CDKN2B-AS1: variants seen among roughly 807,000 people sequenced by gnomAD.
CDKN2B-AS1 encodes CDKN2B antisense RNA 1 (non-protein coding).
intron 1 of CDKN2B-AS1, chr9:22,012,612 C>A: frequency 2.5e-6 from 1 of 406,698 alleles, no homozygotes; most frequent in Non-Finnish European, 4.6e-6. Flanking sequence ...GTGTCCCTTT[C>A]ATTGACTGGA....
At chr9:22,099,373 A>T (rs1485124323) in intron 4 of CDKN2B-AS1, among the ~76,000 whole-genome samples, 1 of 152,214 alleles carries the variant, frequency 6.6e-6, no homozygotes, top group South Asian at 2.1e-4. Flanking sequence ...TTCCATCTAA[A>T]ACTTAGAAAA....
chr9:22,082,668 A>G (rs1824738617), intron 4 of CDKN2B-AS1, among the ~76,000 whole-genome samples: 1 of 152,220 alleles, frequency 6.6e-6, no homozygotes, highest in Non-Finnish European at 1.5e-5. Flanking sequence ...AAGGAGGAGC[A>G]TATAATTATG....
chr9:22,123,199 A>T (rs1429576611), intron 4 of CDKN2B-AS1, among the ~76,000 whole-genome samples: 1 of 152,100 alleles, frequency 6.6e-6, no homozygotes, highest in African/African-American at 2.4e-5. Context: ...TTGTATATTG[A>T]TATCGTATTC....
intron 4 of CDKN2B-AS1, among the ~76,000 whole-genome samples, chr9:22,067,120 G>A (rs895711314): frequency 6.6e-6 from 1 of 151,940 alleles, no homozygotes; most frequent in East Asian, 1.9e-4. Flanking sequence ...TGTAAATGAC[G>A]AGTTAATGGG....
At chr9:22,082,399 C>T (rs189953806) in intron 4 of CDKN2B-AS1, among the ~76,000 whole-genome samples, 1 of 152,242 alleles carries the variant, frequency 6.6e-6, no homozygotes. Flanking sequence ...ATGTTATTTC[C>T]TCCTTTTGTT....
chr9:22,062,976 G>GACACACAC (rs534087244), intron 4 of CDKN2B-AS1, among the ~76,000 whole-genome samples: 5,209 of 125,280 alleles, frequency 0.042, 355 homozygotes, highest in African/African-American at 0.15. Flanking sequence ...GTGAAAGACA[G>GACACACAC]ACACACACAC....
chr9:22,035,851 T>C lies in CDKN2B-AS1; in HGVS notation n.30-10900T>C, dbSNP rs561904487. ...AGGCCATGATCACATCTGAGGATCC[T>C]GAGTCATTGTAGACATGTACTGAAT... is the stretch of plus-strand genomic sequence containing the variant. On this transcript the variant is annotated intron_variant and non_coding_transcript_variant, in intron 1 of 4. Coordinates refer to ENST00000650946, the Ensembl canonical transcript of CDKN2B-AS1. 9.5e-4 allele frequency among the ~76,000 whole-genome samples: 145 copies of C among 152,296 alleles called. 3 individuals carry two copies. Among genetic ancestry groups the C allele is most frequent in the Admixed American group, 8.0e-3 (122 of 15,288 alleles).
intron 4 of CDKN2B-AS1, among the ~76,000 whole-genome samples, chr9:22,074,488 A>G (rs376537830): frequency 1.3e-5 from 2 of 152,252 alleles, no homozygotes; most frequent in African/African-American, 4.8e-5. Context: ...TCTCGAATAC[A>G]TAACACATTT....
chr9:22,097,128 A>G (rs1825308691), intron 4 of CDKN2B-AS1: 1 of 152,122 alleles, frequency 6.6e-6, no homozygotes, highest in South Asian at 2.1e-4. Context: ...TTTCTGATAA[A>G]TTTTCTGCAC....
At position 22,000,440 on chromosome 9, in the gene CDKN2B-AS1, G is replaced by A. The variant is rs1820870059; in HGVS notation, n.29+5279G>A. 6.6e-6 allele frequency among the ~76,000 whole-genome samples: 1 copy of A among 152,140 alleles called. No individual in the cohort carries two copies. Among genetic ancestry groups the A allele is most frequent in the South Asian group, 2.1e-4 (1 of 4,824 alleles). The stretch of plus-strand genomic sequence containing the variant: ...ACTGTGATAAGTCTAACTATCAAAG[G>A]CAGTCCAGAGATTAGCAAATAATAG... On this transcript the variant is annotated intron_variant and non_coding_transcript_variant, in intron 1 of 4. Coordinates refer to ENST00000650946, the Ensembl canonical transcript of CDKN2B-AS1. This position sits in a 1 kb window ranked among gnomAD's most constrained non-coding sequence, Gnocchi z 4.1.
chr9:22,084,003 T>A (rs965577313), intron 4 of CDKN2B-AS1, among the ~76,000 whole-genome samples: 2 of 152,254 alleles, frequency 1.3e-5, no homozygotes, highest in African/African-American at 4.8e-5. Context: ...GACCATTGAT[T>A]GAAACTTTTG....
chr9:22,109,418 G>C (rs1487427208), intron 4 of CDKN2B-AS1, among the ~76,000 whole-genome samples: 1 of 152,148 alleles, frequency 6.6e-6, no homozygotes, highest in East Asian at 1.9e-4. Context: ...AGAGTAAATA[G>C]AGTTTGTTTA....
chr9:22,005,280 G>A lies in CDKN2B-AS1; in HGVS notation n.29+10119G>A, dbSNP rs1176368590. On this transcript the variant is annotated intron_variant and non_coding_transcript_variant, in intron 1 of 4. Coordinates refer to ENST00000650946, the Ensembl canonical transcript of CDKN2B-AS1. This position sits in a 1 kb window ranked among gnomAD's most constrained non-coding sequence, Gnocchi z 4.9. ...AAAGGCCAGCATCCTGTGCAAAGGT[G>A]CTCTGCAGCGTCGTGATCCAGGGAT... 4.2e-6 allele frequency: 1 copy of A among 237,176 alleles called. No homozygotes were observed. The highest frequency in any genetic ancestry group is 5.3e-5 in the Admixed American group (1 of 18,694). 14.7% of individuals were successfully genotyped at this position (237,176 alleles called of 1,614,324 possible).
chr9:22,053,877 AT>A (rs1823453061), intron 3 of CDKN2B-AS1, among the ~76,000 whole-genome samples: 1 of 151,932 alleles, frequency 6.6e-6, no homozygotes, highest in South Asian at 2.1e-4. Flanking sequence ...AAAAATAAGG[AT>A]TTTTACTTAG....
At chr9:22,018,729 C>G (rs781661565) in intron 1 of CDKN2B-AS1, among the ~76,000 whole-genome samples, 3 of 152,176 alleles carry the variant, frequency 2.0e-5, no homozygotes, top group East Asian at 1.9e-4. Flanking sequence ...CTATTTCAAT[C>G]TACTTTTACT....
At chr9:22,031,984 G>A (rs1822492880) in intron 1 of CDKN2B-AS1, among the ~76,000 whole-genome samples, 1 of 152,142 alleles carries the variant, frequency 6.6e-6, no homozygotes, top group South Asian at 2.1e-4. Context: ...TCAAAGAAAT[G>A]AATCTTACCA....
chr9:22,012,682 G>A (rs1821565425), intron 1 of CDKN2B-AS1: 1 of 344,716 alleles, frequency 2.9e-6, no homozygotes, highest in Admixed American at 4.0e-5. Flanking sequence ...ACCTAACCTT[G>A]CCCTCATTTA....
chr9:22,042,174 G>C (rs111472401), intron 1 of CDKN2B-AS1, among the ~76,000 whole-genome samples: 294 of 152,160 alleles, frequency 1.9e-3, no homozygotes, highest in Non-Finnish European at 3.5e-3. Flanking sequence ...GGCTTCAGAA[G>C]TTCTCTTTCC....
intron 1 of CDKN2B-AS1, among the ~76,000 whole-genome samples, chr9:22,018,828 G>GC (rs573732977): frequency 6.4e-4 from 97 of 152,038 alleles, no homozygotes; most frequent in Non-Finnish European, 1.1e-3. Flanking sequence ...AAAATATTGA[G>GC]CCCCCCCAAT....
Sources: gnomAD v4.1 joint callset for allele counts (sites outside exome capture counted in the v4.1 genomes callset) on GRCh38, gnomAD v4.1.1 for gene constraint, Gnocchi (gnomAD v3.1) non-coding constraint, MANE v1.5 for transcripts, NCBI Gene and HGNC (gene_info 2026-07-23, HGNC 2026-07-21) for gene names.